Variants in GAREM1 observed in about 807,000 individuals in gnomAD.
GAREM1 encodes GRB2 associated regulator of MAPK1 subtype 1, also known as GRB2-associated and regulator of MAPK protein 1.
Under a neutral mutation model 71.3 loss-of-function variants are expected in GAREM1, and 26 were observed. The ratio of observed to expected loss-of-function variants is 0.36; its 90% CI spans 0.27 to 0.51. The LOEUF is 0.51. Ranked by LOEUF, GAREM1 falls within the 20% of genes least tolerant of loss-of-function variation. GAREM1 has a pLI of 0.95. For synonymous variants in GAREM1, 440 were observed against 433.2 expected (o/e 1.02, Z -0.20); for missense variants, 1,026 against 1,103.1 (o/e 0.93, Z 0.99).
chr18:32,347,962 C>T (rs2144586532), intron 2 of GAREM1, among the ~76,000 whole-genome samples: 1 of 152,230 alleles, frequency 6.6e-6, no homozygotes, highest in Middle Eastern at 3.4e-3. Context: ...CTGGTTGAGG[C>T]CTCCTTGCTA....
At chr18:32,371,594 G>C (rs750850191) in intron 2 of GAREM1, among the ~76,000 whole-genome samples, 1 of 152,146 alleles carries the variant, frequency 6.6e-6, no homozygotes, top group Non-Finnish European at 1.5e-5. Flanking sequence ...CACCAAACAG[G>C]ATACAGGAAG....
intron 2 of GAREM1, among the ~76,000 whole-genome samples, chr18:32,341,012 G>A (rs2047642219): frequency 6.6e-6 from 1 of 152,100 alleles, no homozygotes; most frequent in Non-Finnish European, 1.5e-5. Context: ...AAGTTCTAGG[G>A]TACATGTGCA....
rs558266361 is a variant in GAREM1 at position 32,305,695 on chromosome 18, T to C, written c.393+4498A>G. On this transcript the variant is annotated intron_variant, in intron 3 of 5. Transcript: ENST00000269209. ...CCCCCATGCCCAACTAATTTTTATA[T>C]TTTTAGTACAGACGGGGTTTCGCCA... Among the ~76,000 whole-genome samples, 15 of 152,272 alleles carry C rather than the reference T, an allele frequency of 9.9e-5. No homozygotes were observed. In the South Asian group the frequency reaches 1.7e-3, roughly 17 times the overall value.
intron 4 of GAREM1, among the ~76,000 whole-genome samples, chr18:32,286,219 C>T (rs1286365772): frequency 6.6e-6 from 1 of 151,980 alleles, no homozygotes. Flanking sequence ...TTCTCTTGTT[C>T]TAAACAGAAC....
chr18:32,451,394 T>C (rs559066180), intron 1 of GAREM1, among the ~76,000 whole-genome samples: 1 of 152,224 alleles, frequency 6.6e-6, no homozygotes, highest in East Asian at 1.9e-4. Context: ...AACTAACACT[T>C]TGGAGTTGCT....
intron 3 of GAREM1, among the ~76,000 whole-genome samples, chr18:32,298,115 A>G (rs1403110279): frequency 6.6e-6 from 1 of 152,232 alleles, no homozygotes; most frequent in Non-Finnish European, 1.5e-5. Flanking sequence ...AGTTTTGTCT[A>G]CATTTTCGTG....
At chr18:32,277,823 T>C (rs2041562060) in intron 4 of GAREM1, among the ~76,000 whole-genome samples, 1 of 152,236 alleles carries the variant, frequency 6.6e-6, no homozygotes, top group African/African-American at 2.4e-5. Flanking sequence ...TTGTTAACAG[T>C]AGGAAGCTCA....
chr18:32,378,494 T>C (rs1434186339), intron 2 of GAREM1, among the ~76,000 whole-genome samples: 1 of 141,370 alleles, frequency 7.1e-6, no homozygotes, highest in Non-Finnish European at 1.5e-5. Context: ...AGTCAGACTG[T>C]CTCCGAAAAA....
intron 1 of GAREM1, among the ~76,000 whole-genome samples, chr18:32,436,527 G>C (rs2048680708): frequency 6.6e-6 from 1 of 152,212 alleles, no homozygotes; most frequent in African/African-American, 2.4e-5. Context: ...CCAGCCCTCT[G>C]TCTGTTGCTA....
At chr18:32,433,460 AAATTAAAAACATAT>A (rs1432640644) in intron 1 of GAREM1, among the ~76,000 whole-genome samples, 12 of 151,730 alleles carry the variant, frequency 7.9e-5, no homozygotes, top group African/African-American at 2.7e-4. Context: ...AAAAAAAAAG[AAATTAAAAACATAT>A]AATTAAAAAC....
At chr18:32,359,175 T>C (rs1468830078) in intron 2 of GAREM1, among the ~76,000 whole-genome samples, 1 of 152,216 alleles carries the variant, frequency 6.6e-6, no homozygotes, top group African/African-American at 2.4e-5. Context: ...AATCAGATGG[T>C]ATTAAAAGGC....
At chr18:32,370,421 CAAAAAAA>C (rs57026913) in intron 2 of GAREM1, among the ~76,000 whole-genome samples, 1 of 69,174 alleles carries the variant, frequency 1.4e-5, no homozygotes, top group South Asian at 4.8e-4. Context: ...AACTCTGTTT[CAAAAAAA>C]AAAAAAAAAA....
rs764815629 is a variant in GAREM1, at chr18:32,310,198, C to G, written c.388G>C (p.Val130Leu). ...VYVMEDITFN[V>L]KVASGECNED... ...GGTGCTTCAAGAGCTACTACCTTCA[C>G]GTTGAATGTGATATCCTCCATGACG... Residue 130 changes from valine (V) to leucine (L), a missense_variant, in exon 3 of 6, where the codon GTG becomes CTG. Transcript: ENST00000269209. 1.2e-5 allele frequency: 19 copies of G among 1,613,862 alleles called. No homozygotes were observed. The highest frequency in any genetic ancestry group is 1.6e-5 in the Non-Finnish European group (19 of 1,179,912).
At chr18:32,328,790 T>A (rs1297376148) in intron 2 of GAREM1, among the ~76,000 whole-genome samples, 1 of 152,158 alleles carries the variant, frequency 6.6e-6, no homozygotes, top group Non-Finnish European at 1.5e-5. Flanking sequence ...AAGCAGAAAG[T>A]ATAAGCAAAA....
chr18:32,418,359 C>T (rs2048484697), intron 1 of GAREM1, among the ~76,000 whole-genome samples: 1 of 152,100 alleles, frequency 6.6e-6, no homozygotes, highest in Non-Finnish European at 1.5e-5. Flanking sequence ...TTGCTGTGTA[C>T]TGTAAACACC....
chr18:32,289,232 C>T (rs930925542), intron 3 of GAREM1, among the ~76,000 whole-genome samples: 1 of 152,132 alleles, frequency 6.6e-6, no homozygotes, highest in Admixed American at 6.5e-5. Flanking sequence ...GTGTGAGCCA[C>T]CACACCTGGC....
chr18:32,377,799 G>A (rs992203166), intron 2 of GAREM1, among the ~76,000 whole-genome samples: 3 of 152,204 alleles, frequency 2.0e-5, no homozygotes, highest in South Asian at 2.1e-4. Context: ...CCCTGACCTC[G>A]TGATCCACCC....
intron 3 of GAREM1, among the ~76,000 whole-genome samples, chr18:32,302,719 G>A (rs1053821044): frequency 2.0e-5 from 3 of 152,186 alleles, no homozygotes; most frequent in African/African-American, 7.2e-5. Flanking sequence ...GGGGAGAATG[G>A]GAAGATGCTG....
At chr18:32,271,516 T>C (rs2041463009) in intron 4 of GAREM1, among the ~76,000 whole-genome samples, 2 of 152,168 alleles carry the variant, frequency 1.3e-5, no homozygotes, top group Admixed American at 1.3e-4. Context: ...TGAGTGTGTA[T>C]CATCTAGGGA....
Sources: gnomAD v4.1 joint callset for allele counts (sites outside exome capture counted in the v4.1 genomes callset) on GRCh38, gnomAD v4.1.1 for gene constraint, MANE v1.5 for transcripts, NCBI Gene and HGNC (gene_info 2026-07-23, HGNC 2026-07-21) for gene names.